Variants in TUBB2A observed in about 807,000 individuals in gnomAD.
TUBB2A encodes tubulin beta 2A class IIa, also known as tubulin beta-2A chain.
A neutral mutation model predicts 33.9 loss-of-function variants in TUBB2A; 7 were observed. The ratio of observed to expected loss-of-function variants is 0.21; its 90% CI spans 0.12 to 0.39. The LOEUF is 0.39. Ranked by LOEUF, TUBB2A falls within the 10% of genes least tolerant of loss-of-function variation. The pLI is 1.00. For missense variants in TUBB2A, 80 were observed against 593.4 expected (o/e 0.13, Z 8.99); for synonymous variants, 187 against 247.6 (o/e 0.76, Z 2.30).
chr6:3,157,402 C>A lies in TUBB2A; in HGVS notation c.57+5G>T. 2.0e-6 allele frequency: 3 copies of A among 1,532,444 alleles called. No individual in the cohort carries two copies. Among genetic ancestry groups the A allele is most frequent in the Non-Finnish European group, 1.7e-6 (2 of 1,146,130 alleles). The allele number at this position is 1,532,444 out of a possible 1,614,324, so 94.9% of individuals were successfully genotyped here. A position where few individuals can be genotyped will look rare whatever the true frequency, so the allele number is the denominator to read the frequency against. On this transcript the variant is annotated splice_donor_5th_base_variant and intron_variant, in intron 1 of 3. Transcript: ENST00000333628. The stretch of plus-strand genomic sequence containing the variant: ...CCCCGGGCCCCTCCGTGGCGGTGAG[C>A]CCACCTTGGCGCCGATCTGGTTGCC...
chr6:3,156,366 A>G (rs1227063075), intron 1 of TUBB2A, among the ~76,000 whole-genome samples: 1 of 152,310 alleles, frequency 6.6e-6, no homozygotes. Flanking sequence ...TTATGGGGAT[A>G]GACTGAAAGG....
chr6:3,155,849 A>G lies in TUBB2A; in HGVS notation c.167-114T>C. 7.5e-7 allele frequency: 1 copy of G among 1,333,932 alleles called. No homozygotes were observed. Among genetic ancestry groups the G allele is most frequent in the Non-Finnish European group, 1.0e-6 (1 of 973,072 alleles). The allele number at this position is 1,333,932 out of a possible 1,614,324, so 82.6% of individuals were successfully genotyped here. ...AGGAGATTTTCTGCTTTTAAGAAAA[A>G]GGAGGTCCTGAGTGTGCTTAGCCGT... On this transcript the variant is annotated intron_variant, in intron 2 of 3. Transcript: ENST00000333628. The surrounding 1 kb of genome is among the most constrained non-coding windows in gnomAD (Gnocchi z 4.2).
chr6:3,153,744 A>C lies in TUBB2A; in HGVS notation c.*119T>G, dbSNP rs1762584871. 1.4e-6 allele frequency: 2 copies of C among 1,450,596 alleles called. No homozygotes were observed. The highest frequency in any genetic ancestry group is 2.0e-5 in the Admixed American group (1 of 49,684). The allele number at this position is 1,450,596 out of a possible 1,614,324, so 89.9% of individuals were successfully genotyped here. ...ATTTTTAGAGGAGTTCCACATCATTACATCAACAGTGTGAATTTCTAACAG... is the reference window on the plus strand; with the variant it reads ...ATTTTTAGAGGAGTTCCACATCATTCCATCAACAGTGTGAATTTCTAACAG... On this transcript the variant is annotated 3_prime_UTR_variant, in exon 4 of 4. Transcript: ENST00000333628.
Position 3,154,769 on chromosome 6 carries a change from C to A in TUBB2A, c.432G>T (p.Gly144=). The change falls in exon 4 of 4, where the codon GGG becomes GGT. Residue 144 remains glycine, a synonymous_variant. Coordinates refer to ENST00000333628, the MANE Select transcript of TUBB2A (RefSeq NM_001069.3). ...TGATGAGCAGGGTGCCCATCCCGGA[C>A]CCCGTGCCGCCCCCCAGAGAGTGGG... ...QLTHSLGGGT[G]SGMGTLLISK... is the part of the protein sequence containing the mutation. The A allele has an allele frequency of 1.2e-6, 2 of 1,609,334 alleles. No homozygotes were observed. The highest frequency in any genetic ancestry group is 2.7e-5 in the African/African-American group (2 of 74,696).
Position 3,157,492 on chromosome 6 carries a change from G to A in TUBB2A, c.-29C>T. On this transcript the variant is annotated 5_prime_UTR_variant, in exon 1 of 4. Transcript: ENST00000333628. ...GCCGGCTGCGGAGCGGGTGGCGCTG[G>A]CCCTCGGAGCGGTGCGCGGCGTGGA... 6.7e-7 allele frequency: 1 copy of A among 1,494,690 alleles called. No homozygotes were observed. Among genetic ancestry groups the A allele is most frequent in the Admixed American group, 2.2e-5 (1 of 46,214 alleles). 92.6% of individuals were successfully genotyped at this position (1,494,690 alleles called of 1,614,324 possible).
At chr6:3,157,373 C>A in intron 1 of TUBB2A, 34 bp downstream of exon 1, 1 of 1,482,648 alleles carries the variant, frequency 6.7e-7, no homozygotes, top group Non-Finnish European at 8.9e-7. Flanking sequence ...ACCCTCGGTC[C>A]CAACCCCGGG....
At chr6:3,157,292 GC>G in intron 1 of TUBB2A, 114 bp downstream of exon 1, 1 of 1,179,852 alleles carries the variant, frequency 8.5e-7, no homozygotes. Flanking sequence ...CGGCGGCCTC[GC>G]CGCGGAATGT....
Position 3,157,536 on chromosome 6 carries a change from C to T in TUBB2A, c.-73G>A. On this transcript the variant is annotated 5_prime_UTR_variant, in exon 1 of 4. Transcript: ENST00000333628. ...GCGTGGACCGGCGGGCTGGGCTGCG[C>T]AGAGACCTGCCGCCGCCCCCCCAGC... 1 of 1,385,748 alleles carries T rather than the reference C, an allele frequency of 7.2e-7. No individual in the cohort carries two copies. 85.8% of individuals were successfully genotyped at this position (1,385,748 alleles called of 1,614,324 possible). A position where few individuals can be genotyped will look rare whatever the true frequency, so the allele number is the denominator to read the frequency against.
At chr6:3,157,361 G>C (rs768411411) in intron 1 of TUBB2A, 46 bp downstream of exon 1, 1 of 1,438,028 alleles carries the variant, frequency 7.0e-7, no homozygotes, top group South Asian at 1.4e-5. Flanking sequence ...GCCCCAGCCC[G>C]CACCCTCGGT....
At position 3,157,393 on chromosome 6, in the gene TUBB2A, G is replaced by T; in HGVS notation, c.57+14C>A. ...CGGTCCCAACCCCGGGCCCCTCCGT[G>T]GCGGTGAGCCCACCTTGGCGCCGAT... On this transcript the variant is annotated intron_variant, in intron 1 of 3. Transcript: ENST00000333628. The T allele has an allele frequency of 1.3e-6, 2 of 1,523,708 alleles. No individual in the cohort carries two copies. The highest frequency in any genetic ancestry group is 1.8e-6 in the Non-Finnish European group (2 of 1,141,868). The allele number at this position is 1,523,708 out of a possible 1,614,324, so 94.4% of individuals were successfully genotyped here.
At position 3,154,862 on chromosome 6, in the gene TUBB2A, G is replaced by A. The variant is rs1250669469; in HGVS notation, c.339C>T (p.Val113=). Residue 113 remains valine (V), a synonymous_variant, in exon 4 of 4, where the codon GTC becomes GTT. Coordinates refer to ENST00000333628, the MANE Select transcript of TUBB2A (RefSeq NM_001069.3). ...KGHYTEGAEL[V]DSVLDVVRKE... ...TCCTCACCACATCCAGGACCGAGTC[G>A]ACCAGCTCGGCTCCCTCTGTGTAGT... 5 of 1,613,384 alleles carry A rather than the reference G, an allele frequency of 3.1e-6. No individual in the cohort carries two copies. Among genetic ancestry groups the A allele is most frequent in the Non-Finnish European group, 4.2e-6 (5 of 1,179,840 alleles).
intron 1 of TUBB2A, 80 bp downstream of exon 1, chr6:3,157,327 C>T (rs1581499049): frequency 7.8e-7 from 1 of 1,284,960 alleles, no homozygotes; most frequent in Non-Finnish European, 9.8e-7. Flanking sequence ...CCCGGGGCCG[C>T]CGCGGCCTCC....
Position 3,157,535 on chromosome 6 carries a change from G to T in TUBB2A, c.-72C>A. On this transcript the variant is annotated 5_prime_UTR_variant, in exon 1 of 4. Transcript: ENST00000333628. ...GGCGTGGACCGGCGGGCTGGGCTGCGCAGAGACCTGCCGCCGCCCCCCCAG... is the reference window on the plus strand; with the variant it reads ...GGCGTGGACCGGCGGGCTGGGCTGCTCAGAGACCTGCCGCCGCCCCCCCAG... The T allele has an allele frequency of 7.2e-7, 1 of 1,385,338 alleles. No individual in the cohort carries two copies. The highest frequency in any genetic ancestry group is 9.3e-7 in the Non-Finnish European group (1 of 1,074,326). 85.8% of individuals were successfully genotyped at this position (1,385,338 alleles called of 1,614,324 possible).
Position 3,153,826 on chromosome 6 carries a change from A to C in TUBB2A, c.*37T>G, listed in dbSNP as rs1412040819. On this transcript the variant is annotated 3_prime_UTR_variant, in exon 4 of 4. Transcript: ENST00000333628. ...GAAAGACCATGCTTGAGGACAACAG[A>C]AGTTCACTAAGGATGCACGATTGAT... The C allele has an allele frequency of 6.2e-7, 1 of 1,611,620 alleles. No individual in the cohort carries two copies.
Position 3,155,558 on chromosome 6 carries a change from T to C in TUBB2A, c.277+67A>G. The C allele has an allele frequency of 7.8e-7, 1 of 1,287,356 alleles. No individual in the cohort carries two copies. Among genetic ancestry groups the C allele is most frequent in the Non-Finnish European group, 1.1e-6 (1 of 905,152 alleles). 79.7% of individuals were successfully genotyped at this position (1,287,356 alleles called of 1,614,324 possible). On this transcript the variant is annotated intron_variant, in intron 3 of 3. Transcript: ENST00000333628. The surrounding 1 kb of genome is among the most constrained non-coding windows in gnomAD (Gnocchi z 4.2). ...CCTTGGCACTGAACACTAAGAACTG[T>C]GCTTTGCAGGGCTGTTAGGAAGAAG...
In TUBB2A at chr6:3,153,842, C is replaced by T. The variant is rs773170649; in HGVS notation, c.*21G>A. 38 of 1,613,486 alleles carry T rather than the reference C, an allele frequency of 2.4e-5. No homozygotes were observed. Among genetic ancestry groups the T allele is most frequent in the Non-Finnish European group, 1.7e-5 (20 of 1,179,518 alleles). On this transcript the variant is annotated 3_prime_UTR_variant, in exon 4 of 4. Coordinates refer to ENST00000333628, the MANE Select transcript of TUBB2A (RefSeq NM_001069.3). ...GGACAACAGAAGTTCACTAAGGATG[C>T]ACGATTGATCTGAGAAGTTTTTAAG...
At chr6:3,156,962 C>T (rs1484037589) in intron 1 of TUBB2A, among the ~76,000 whole-genome samples, 1 of 152,208 alleles carries the variant, frequency 6.6e-6, no homozygotes, top group Non-Finnish European at 1.5e-5. Context: ...AGACAGTGCC[C>T]GAGCAAGGGA....
Position 3,153,820 on chromosome 6 carries a change from C to A in TUBB2A, c.*43G>T, listed in dbSNP as rs1262495570. 1 of 1,611,078 alleles carries A rather than the reference C, an allele frequency of 6.2e-7. No homozygotes were observed. The highest frequency in any genetic ancestry group is 8.5e-7 in the Non-Finnish European group (1 of 1,177,602). Reference sequence around the variant, plus strand: ...CAAGTAGAAAGACCATGCTTGAGGACAACAGAAGTTCACTAAGGATGCACG... The same window carrying A: ...CAAGTAGAAAGACCATGCTTGAGGAAAACAGAAGTTCACTAAGGATGCACG... On this transcript the variant is annotated 3_prime_UTR_variant, in exon 4 of 4. Coordinates refer to ENST00000333628, the MANE Select transcript of TUBB2A (RefSeq NM_001069.3).
At chr6:3,157,331 G>T in intron 1 of TUBB2A, 76 bp downstream of exon 1, 1 of 1,292,470 alleles carries the variant, frequency 7.7e-7, no homozygotes, top group Non-Finnish European at 9.7e-7. Flanking sequence ...GGGCCGCCGC[G>T]GCCTCCAGCC....
Sources: gnomAD v4.1 joint callset for allele counts (sites outside exome capture counted in the v4.1 genomes callset) on GRCh38, gnomAD v4.1.1 for gene constraint, Gnocchi (gnomAD v3.1) non-coding constraint, MANE v1.5 for transcripts, NCBI Gene and HGNC (gene_info 2026-07-23, HGNC 2026-07-21) for gene names.